OXR1: variants seen among roughly 807,000 people sequenced by gnomAD.
OXR1 encodes the protein oxidation resistance 1, also known as oxidation resistance protein 1.
OXR1 carries 41 observed loss-of-function variants against 104.6 expected under a neutral mutation model. That is an observed-to-expected ratio of 0.39 (90% CI 0.31 to 0.51). OXR1 has a LOEUF of 0.51. Among genes scored for constraint, OXR1 ranks in the 20% least tolerant of loss-of-function variants. The probability of loss-of-function intolerance (pLI) is 0.77; values close to 1 mark genes in which losing one functional copy is unlikely to be tolerated. For missense variants in OXR1, 955 were observed against 1,031.9 expected (o/e 0.93, Z 1.02); for synonymous variants, 348 against 348.4 (o/e 1.00, Z 0.01).
intron 1 of OXR1, among the ~76,000 whole-genome samples, chr8:106,289,059 C>T (rs537150466): frequency 8.1e-4 from 124 of 152,154 alleles, no homozygotes; most frequent in African/African-American, 3.0e-3. Context: ...GAACTCACAG[C>T]CAGCATCATA....
intron 2 of OXR1, among the ~76,000 whole-genome samples, chr8:106,365,534 G>T (rs1321029299): frequency 6.6e-6 from 1 of 151,866 alleles, no homozygotes; most frequent in African/African-American, 2.4e-5. Flanking sequence ...TCATTATTTG[G>T]GTTAAAGTTA....
intron 2 of OXR1, among the ~76,000 whole-genome samples, chr8:106,480,790 T>C (rs2129741458): frequency 6.6e-6 from 1 of 152,106 alleles, no homozygotes; most frequent in Middle Eastern, 3.4e-3. Context: ...AAAAAATACC[T>C]GCCTTGCCTA....
At chr8:106,648,440 G>A (rs899439982) in intron 3 of OXR1, among the ~76,000 whole-genome samples, 1 of 152,062 alleles carries the variant, frequency 6.6e-6, no homozygotes, top group Non-Finnish European at 1.5e-5. Context: ...TTATTTTTAG[G>A]TTACTGATGA....
chr8:106,652,064 C>T (rs1427744795), intron 3 of OXR1, among the ~76,000 whole-genome samples: 1 of 152,026 alleles, frequency 6.6e-6, no homozygotes, highest in African/African-American at 2.4e-5. Context: ...ATTAGAGATG[C>T]CTTTTTGTAA....
At chr8:106,405,018 G>A (rs1322095610) in intron 2 of OXR1, among the ~76,000 whole-genome samples, 1 of 151,756 alleles carries the variant, frequency 6.6e-6, no homozygotes, top group Non-Finnish European at 1.5e-5. Flanking sequence ...AGTTTCCAAT[G>A]CAAATATTTG....
At chr8:106,509,931 C>A (rs896601605) in intron 2 of OXR1, among the ~76,000 whole-genome samples, 9 of 152,202 alleles carry the variant, frequency 5.9e-5, no homozygotes, top group African/African-American at 2.2e-4. Context: ...ACCACCACGC[C>A]CCGCTAATTT....
At chr8:106,529,830 T>G (rs1813960783) in intron 3 of OXR1, among the ~76,000 whole-genome samples, 1 of 152,178 alleles carries the variant, frequency 6.6e-6, no homozygotes, top group East Asian at 1.9e-4. Flanking sequence ...TATCTGTCAA[T>G]TTATTTAATG....
intron 3 of OXR1, among the ~76,000 whole-genome samples, chr8:106,555,884 ATGTG>A (rs1280186071): frequency 1.3e-5 from 2 of 148,770 alleles, no homozygotes; most frequent in Non-Finnish European, 3.0e-5. Context: ...GTATATATAT[ATGTG>A]TGTGTCTGTG....
chr8:106,749,762 A>G (rs1027923951), intron 16 of OXR1, among the ~76,000 whole-genome samples: 4 of 152,186 alleles, frequency 2.6e-5, no homozygotes. Flanking sequence ...ATGTTAATTA[A>G]TAGTCTTTGC....
chr8:106,732,227 T>C (rs1344472550), intron 11 of OXR1, among the ~76,000 whole-genome samples: 1 of 152,156 alleles, frequency 6.6e-6, no homozygotes, highest in Non-Finnish European at 1.5e-5. Flanking sequence ...AATCTTGCAC[T>C]CTGAAAGCCT....
At chr8:106,401,439 T>C (rs1563755892) in intron 2 of OXR1, among the ~76,000 whole-genome samples, 1 of 152,192 alleles carries the variant, frequency 6.6e-6, no homozygotes, top group Non-Finnish European at 1.5e-5. Flanking sequence ...GCCAGGGCTC[T>C]GAATTTTTAA....
Position 106,703,514 on chromosome 8 carries a change from A to G in OXR1, c.860+424A>G, listed in dbSNP as rs115211052. ...GAGCTGACATTGCTGTGGGCAAGACAGCTTTTTTTTTTTTAATTGATTGAT... is the reference window on the plus strand; with the variant it reads ...GAGCTGACATTGCTGTGGGCAAGACGGCTTTTTTTTTTTTAATTGATTGAT... On this transcript the variant is annotated intron_variant, in intron 8 of 16. Transcript: ENST00000517566. Among the ~76,000 whole-genome samples the G allele has an allele frequency of 5.4e-3, 791 of 146,864 alleles. 6 individuals carry two copies. The highest frequency in any genetic ancestry group is 0.018 in the African/African-American group (722 of 40,812).
At chr8:106,484,659 C>T (rs1288878879) in intron 2 of OXR1, among the ~76,000 whole-genome samples, 1 of 151,990 alleles carries the variant, frequency 6.6e-6, no homozygotes, top group Non-Finnish European at 1.5e-5. Context: ...GTCCAGAACA[C>T]TGACACTACC....
chr8:106,377,645 T>A (rs1816962334), intron 2 of OXR1, among the ~76,000 whole-genome samples: 1 of 152,230 alleles, frequency 6.6e-6, no homozygotes, highest in African/African-American at 2.4e-5. Context: ...CAGAGGGATA[T>A]ACAGTCATCC....
intron 2 of OXR1, among the ~76,000 whole-genome samples, chr8:106,441,563 C>A (rs1040953664): frequency 2.6e-5 from 4 of 152,098 alleles, no homozygotes; most frequent in African/African-American, 9.7e-5. Flanking sequence ...GAGTGTTTTT[C>A]CATTTGTTTG....
chr8:106,421,003 A>T (rs1423204155), intron 2 of OXR1, among the ~76,000 whole-genome samples: 1 of 152,034 alleles, frequency 6.6e-6, no homozygotes, highest in Non-Finnish European at 1.5e-5. Flanking sequence ...CATCAATAAA[A>T]CCTGTCCTTC....
At chr8:106,632,605 A>G (rs1822780794) in intron 3 of OXR1, among the ~76,000 whole-genome samples, 1 of 151,210 alleles carries the variant, frequency 6.6e-6, no homozygotes, top group Non-Finnish European at 1.5e-5. Context: ...CACTTTATAT[A>G]CCTCTTTTTT....
intron 1 of OXR1, among the ~76,000 whole-genome samples, chr8:106,346,214 G>C (rs1815474643): frequency 6.6e-6 from 1 of 152,046 alleles, no homozygotes; most frequent in Non-Finnish European, 1.5e-5. Context: ...AGTGTTATCA[G>C]AAGATAATGA....
chr8:106,513,957 C>T (rs530200271), intron 2 of OXR1, among the ~76,000 whole-genome samples: 1 of 152,192 alleles, frequency 6.6e-6, no homozygotes, highest in African/African-American at 2.4e-5. Context: ...TTGTTCTTTT[C>T]TTCTCAAAAG....
Sources: gnomAD v4.1 joint callset for allele counts (sites outside exome capture counted in the v4.1 genomes callset) on GRCh38, gnomAD v4.1.1 for gene constraint, MANE v1.5 for transcripts, NCBI Gene and HGNC (gene_info 2026-07-23, HGNC 2026-07-21) for gene names.